Variants in MALRD1 observed in about 807,000 individuals in gnomAD.
MALRD1 encodes MAM and LDL-receptor class A domain-containing protein 1.
A neutral mutation model predicts 242.1 loss-of-function variants in MALRD1; 247 were observed. The observed-to-expected ratio is 1.02, with a 90% CI of 0.92 to 1.13. The LOEUF is 1.13. Among genes scored for constraint, MALRD1 ranks in the 50% most tolerant of loss-of-function variants. The pLI is 0.00. For missense variants in MALRD1, 2,989 were observed against 2,533.1 expected, an observed-to-expected ratio of 1.18 and a Z score of -3.86; for synonymous variants, 995 against 866.6, an observed-to-expected ratio of 1.15 and a Z score of -2.60.
chr10:19,520,030 G>A (rs995552088), intron 31 of MALRD1, among the ~76,000 whole-genome samples: 23 of 152,098 alleles, frequency 1.5e-4, no homozygotes, highest in African/African-American at 5.6e-4. Context: ...ACTATTCACT[G>A]AGTGTCAATC....
chr10:19,211,339 G>T (rs1158959644), intron 18 of MALRD1, among the ~76,000 whole-genome samples: 2 of 151,902 alleles, frequency 1.3e-5, no homozygotes, highest in Admixed American at 6.6e-5. Context: ...ATAATAATAA[G>T]ATTCAGGCCC....
chr10:19,273,821 G>A (rs1259183758), intron 19 of MALRD1, among the ~76,000 whole-genome samples: 1 of 152,152 alleles, frequency 6.6e-6, no homozygotes, highest in Non-Finnish European at 1.5e-5. Flanking sequence ...GGAATAGGGT[G>A]TCAGATTTGG....
intron 18 of MALRD1, among the ~76,000 whole-genome samples, chr10:19,210,345 A>G (rs1226129737): frequency 6.6e-6 from 1 of 152,200 alleles, no homozygotes; most frequent in Non-Finnish European, 1.5e-5. Context: ...TGTAGATTCA[A>G]AGAAAAAAGC....
intron 14 of MALRD1, among the ~76,000 whole-genome samples, chr10:19,192,749 A>C (rs1836048326): frequency 1.3e-5 from 2 of 152,312 alleles, no homozygotes; most frequent in Non-Finnish European, 2.9e-5. Context: ...GTTGTTTGTT[A>C]CATAGCAAGA....
chr10:19,119,456 T>C (rs749354733), intron 5 of MALRD1, among the ~76,000 whole-genome samples: 2 of 152,156 alleles, frequency 1.3e-5, no homozygotes, highest in Non-Finnish European at 2.9e-5. Context: ...AAGGATAACT[T>C]GGTGGGTTGG....
chr10:19,319,403 A>T (rs11009445), intron 21 of MALRD1, among the ~76,000 whole-genome samples: 83,613 of 151,894 alleles, frequency 0.55, 23,211 homozygotes, highest in Middle Eastern at 0.58. Context: ...TCAGTACTTC[A>T]CAAGAGCCAC....
At chr10:19,714,230 T>C (rs997089085) in intron 38 of MALRD1, among the ~76,000 whole-genome samples, 3 of 152,154 alleles carry the variant, frequency 2.0e-5, no homozygotes, top group Non-Finnish European at 2.9e-5. Flanking sequence ...AGGGTTTTTA[T>C]TGAGTGGTGG....
At chr10:19,305,893 TTATA>T (rs1053481790) in intron 21 of MALRD1, among the ~76,000 whole-genome samples, 8 of 130,754 alleles carry the variant, frequency 6.1e-5, no homozygotes, top group Admixed American at 3.4e-4. Context: ...ATAATATATA[TTATA>T]TATACTATAT....
At chr10:19,568,911 T>C (rs1836377578) in intron 33 of MALRD1, among the ~76,000 whole-genome samples, 1 of 152,246 alleles carries the variant, frequency 6.6e-6, no homozygotes, top group African/African-American at 2.4e-5. Flanking sequence ...TGTTAGTACA[T>C]TTATTTATCG....
chr10:19,580,231 A>G (rs1837044469), intron 33 of MALRD1, among the ~76,000 whole-genome samples: 2 of 152,200 alleles, frequency 1.3e-5, no homozygotes, highest in African/African-American at 2.4e-5. Flanking sequence ...TTCATCATGT[A>G]TGCAATTTCA....
At chr10:19,062,916 C>A (rs763476402) in intron 1 of MALRD1, among the ~76,000 whole-genome samples, 2 of 152,108 alleles carry the variant, frequency 1.3e-5, no homozygotes, top group African/African-American at 2.4e-5. Context: ...GAGGCCGAGG[C>A]TGGTGGAATG....
intron 26 of MALRD1, among the ~76,000 whole-genome samples, chr10:19,360,644 A>T (rs1844851630): frequency 6.6e-6 from 1 of 152,112 alleles, no homozygotes; most frequent in Non-Finnish European, 1.5e-5. Flanking sequence ...TCCTGGAAAT[A>T]CTAGCTAATA....
intron 18 of MALRD1, among the ~76,000 whole-genome samples, chr10:19,235,363 A>G (rs1036081697): frequency 2.1e-5 from 3 of 145,208 alleles, no homozygotes; most frequent in Non-Finnish European, 4.5e-5. Flanking sequence ...TTTTCTGATG[A>G]TTAGTAATTC....
intron 28 of MALRD1, among the ~76,000 whole-genome samples, chr10:19,417,165 G>A (rs899554860): frequency 2.0e-5 from 3 of 152,144 alleles, no homozygotes; most frequent in Non-Finnish European, 2.9e-5. Context: ...CCTGAGGACT[G>A]GGTCTTTGCC....
intron 18 of MALRD1, among the ~76,000 whole-genome samples, chr10:19,247,685 T>C (rs1172433428): frequency 2.0e-5 from 3 of 152,186 alleles, no homozygotes; most frequent in South Asian, 4.2e-4. Flanking sequence ...TAACATTATA[T>C]TTTTATTTTC....
chr10:19,205,177 G>C lies in MALRD1; in HGVS notation c.2490G>C (p.Trp830Cys). ...GCTGTGAAGGGCTGGATCATTTCTGGTGTCGCCACACCAGGGCTTGCATAG... is the reference window on the plus strand; with the variant it reads ...GCTGTGAAGGGCTGGATCATTTCTGCTGTCGCCACACCAGGGCTTGCATAG... ...AESCEGLDHF[W>C]CRHTRACIEK... is the part of the protein sequence containing the mutation. The change falls in exon 17 of 40, where the codon TGG (tryptophan) becomes TGC (cysteine). Residue 830 changes from tryptophan (W) to cysteine (C), a missense_variant. Transcript: ENST00000454679. 6.4e-7 allele frequency: 1 copy of C among 1,550,912 alleles called. No homozygotes were observed. Among genetic ancestry groups the C allele is most frequent in the Non-Finnish European group, 8.7e-7 (1 of 1,147,056 alleles).
At position 19,531,254 on chromosome 10, in the gene MALRD1, G is replaced by A. The variant is rs1031543880; in HGVS notation, c.5381G>A (p.Arg1794Lys). The A allele has an allele frequency of 1.3e-6, 2 of 1,550,480 alleles. No individual in the cohort carries two copies. The highest frequency in any genetic ancestry group is 2.0e-5 in the Admixed American group (1 of 51,004). The change falls in exon 32 of 40, where the codon AGA (arginine) becomes AAA (lysine). Residue 1794 changes from arginine (R) to lysine (K), a missense_variant. Coordinates refer to ENST00000454679, the MANE Select transcript of MALRD1 (RefSeq NM_001142308.3). ...SSGSKEGSVA[R>K]ITTSKSFPAS... ...GGCTCCAAGGAAGGATCCGTTGCCA[G>A]AATTACTACTTCCAAATCCTTCCCA...
intron 26 of MALRD1, among the ~76,000 whole-genome samples, chr10:19,374,029 A>C (rs896211296): frequency 2.0e-5 from 3 of 152,218 alleles, no homozygotes; most frequent in African/African-American, 4.8e-5. Flanking sequence ...AAATTGTTTA[A>C]GCGGCTATTT....
intron 10 of MALRD1, among the ~76,000 whole-genome samples, chr10:19,144,408 G>T (rs1002107619): frequency 2.6e-5 from 4 of 152,178 alleles, no homozygotes; most frequent in Non-Finnish European, 5.9e-5. Context: ...AGATCTAAAG[G>T]TTCAGTTTGC....
Sources: allele counts gnomAD v4.1 joint callset (sites outside exome capture counted in the v4.1 genomes callset), GRCh38; gene constraint gnomAD v4.1.1; transcripts MANE v1.5; gene names NCBI Gene and HGNC (gene_info 2026-07-23, HGNC 2026-07-21).